Variants in SCO2 observed in about 807,000 individuals in gnomAD.
SCO2 encodes synthesis of cytochrome C oxidase 2.
For missense variants in SCO2, 429 were observed against 348.7 expected (o/e 1.23, Z -1.83); for synonymous variants, 195 against 148.6 (o/e 1.31, Z -2.27).
chr22:50,526,410 G>GC (rs2069379906), upstream of SCO2: 1 of 1,512,868 alleles, frequency 6.6e-7, no homozygotes. Context: ...GTCCAGCGCC[G>GC]CGGCCACCCG....
At chr22:50,524,584 CCACCAAACATCCA>C in intron 1 of SCO2, 160 bp from the exon 2 acceptor site, 1 of 738,266 alleles carries the variant, frequency 1.4e-6, no homozygotes, top group Non-Finnish European at 2.5e-6. Context: ...AACTCCACCT[CCACCAAACATCCA>C]CACCTGGGCA....
In SCO2 at chr22:50,523,616, A is replaced by G. The variant is rs746659857; in HGVS notation, c.796T>C (p.Ser266Pro). Residue 266 changes from serine to proline, a missense_variant, in exon 2 of 2, where the codon TCT becomes CCT. Physicochemically the swap from Ser to Pro is moderately conservative, Grantham distance 74. Coordinates refer to ENST00000395693, the MANE Select transcript of SCO2 (RefSeq NM_005138.3). ...RHMAAFRSVL[S>P] ...GGGGCCCAGACTGCAGTGGCTCAAG[A>G]CAGGACACTGCGGAAAGCCGCCATG... The G allele has an allele frequency of 3.1e-6, 5 of 1,613,210 alleles. No individual in the cohort carries two copies. In the African/African-American group the frequency reaches 6.7e-5, roughly 22 times the overall value.
chr22:50,524,663 T>C (rs1039499532), intron 1 of SCO2: 2 of 684,856 alleles, frequency 2.9e-6, no homozygotes, highest in African/African-American at 3.5e-5. Context: ...CACCGCACCC[T>C]GCCCTGCACC....
Position 50,524,131 on chromosome 22 carries a change from A to C in SCO2, c.281T>G (p.Leu94Arg), listed in dbSNP as rs138294250. Reference protein sequence around the residue: ...RLQQQKRTEALRQAAVGQGDF... With the variant: ...RLQQQKRTEARRQAAVGQGDF... ...GCCCTGGCCCACAGCTGCCTGGCGC[A>C]GGGCTTCTGTTCGCTTTTGCTGCTG... The change falls in exon 2 of 2, where the codon CTG becomes CGG. Residue 94 changes from leucine (L) to arginine (R), a missense_variant. Leu to Arg is a moderately radical substitution (Grantham distance 102). Coordinates refer to ENST00000395693, the MANE Select transcript of SCO2 (RefSeq NM_005138.3). The C allele has an allele frequency of 7.4e-6, 12 of 1,612,442 alleles. No individual in the cohort carries two copies. Among genetic ancestry groups the C allele is most frequent in the Non-Finnish European group, 9.3e-6 (11 of 1,180,026 alleles).
chr22:50,524,296 G>GA lies in SCO2; in HGVS notation c.115dup (p.Ser39PhefsTer43). 6.2e-7 allele frequency: 1 copy of GA among 1,602,964 alleles called. No individual in the cohort carries two copies. The highest frequency in any genetic ancestry group is 8.5e-7 in the Non-Finnish European group (1 of 1,179,860). On this transcript the variant is annotated frameshift_variant, in exon 2 of 2. Transcript: ENST00000395693. LOFTEE classifies it low-confidence loss of function (END_TRUNC). ...ACCTGTCTCTGCAGGGCCCTGCCTTGACAAAAGCCAGGACCTCAGATGCAG... is the reference window on the plus strand; with the variant it reads ...ACCTGTCTCTGCAGGGCCCTGCCTTGAACAAAAGCCAGGACCTCAGATGCAG...
chr22:50,526,427 G>A (rs749713507), upstream of SCO2: 5 of 1,505,092 alleles, frequency 3.3e-6, no homozygotes, highest in Non-Finnish European at 4.4e-6. Context: ...CCCGGGCAGC[G>A]CCCTGGGCCT....
upstream of SCO2, chr22:50,526,186 G>C: frequency 6.8e-7 from 1 of 1,473,876 alleles, no homozygotes; most frequent in Non-Finnish European, 9.0e-7. Context: ...GAAGGGGCGG[G>C]GCCTCGGGAA....
chr22:50,524,929 C>G (rs571506746), intron 1 of SCO2: 9 of 344,478 alleles, frequency 2.6e-5, no homozygotes, highest in South Asian at 2.0e-4. Context: ...TCAGACTCTG[C>G]CCGCCGGCTG....
chr22:50,525,535 GC>G lies in SCO2; in HGVS notation c.-78del. ...AGGAAGCGCCGACCTCCAGCTCCCT[GC>G]GCTCTGCCCCGCCGGCTCAGGGAAA... On this transcript the variant is annotated 5_prime_UTR_variant, in exon 1 of 2. Transcript: ENST00000395693. 1.6e-6 allele frequency: 1 copy of G among 620,528 alleles called. No homozygotes were observed. Among genetic ancestry groups the G allele is most frequent in the Non-Finnish European group, 2.7e-6 (1 of 364,694 alleles). 38.4% of individuals were successfully genotyped at this position (620,528 alleles called of 1,614,324 possible). A position where few individuals can be genotyped will look rare whatever the true frequency, so the allele number is the denominator to read the frequency against.
At chr22:50,525,609 C>T (rs2069315886), upstream of SCO2, 3 of 1,112,518 alleles carry the variant, frequency 2.7e-6, no homozygotes, top group Non-Finnish European at 2.6e-6. Flanking sequence ...CCCGGAGCTG[C>T]GCATGCGCAC....
Position 50,523,635 on chromosome 22 carries a change from C to G in SCO2, c.777G>C (p.Ala259=), listed in dbSNP as rs375632322. Residue 259 remains alanine, a synonymous_variant, in exon 2 of 2, where the codon GCG becomes GCC. Coordinates refer to ENST00000395693, the MANE Select transcript of SCO2 (RefSeq NM_005138.3). The stretch of plus-strand genomic sequence containing the variant: ...CTCAAGACAGGACACTGCGGAAAGC[C>G]GCCATGTGCCGCCGCACACTGTCTG... ...QISDSVRRHM[A]AFRSVLS 6.2e-7 allele frequency: 1 copy of G among 1,613,732 alleles called. No homozygotes were observed. The highest frequency in any genetic ancestry group is 8.5e-7 in the Non-Finnish European group (1 of 1,180,038).
At position 50,523,737 on chromosome 22, in the gene SCO2, G is replaced by A; in HGVS notation, c.675C>T (p.Ser225=). The change falls in exon 2 of 2, where the codon TCC becomes TCT. Residue 225 remains serine, a synonymous_variant. Transcript: ENST00000395693. ...DEDQDYIVDH[S]IAIYLLNPDG... is the part of the protein sequence containing the mutation. ...CAGGGTTGAGCAGGTAGATGGCAAT[G>A]GAGTGGTCCACGATGTAGTCCTGGT... is the stretch of plus-strand genomic sequence containing the variant. 1 of 1,614,212 alleles carries A rather than the reference G, an allele frequency of 6.2e-7. No individual in the cohort carries two copies. The highest frequency in any genetic ancestry group is 1.1e-5 in the South Asian group (1 of 91,088).
Position 50,524,220 on chromosome 22 carries a change from T to TGTGATCAGCAGCCGGGTTCGAAG in SCO2, c.169_191dup (p.Gly65PhefsTer6). The TGTGATCAGCAGCCGGGTTCGAAG allele has an allele frequency of 6.2e-7, 1 of 1,607,906 alleles. No individual in the cohort carries two copies. Among genetic ancestry groups the TGTGATCAGCAGCCGGGTTCGAAG allele is most frequent in the Non-Finnish European group, 8.5e-7 (1 of 1,179,850 alleles). ...CACCGAGTCCAGCCCCGAACAGGCC[T>TGTGATCAGCAGCCGGGTTCGAAG]GTGATCAGCAGCCGGGTTCGAAGCC... On this transcript the variant is annotated stop_gained and frameshift_variant, in exon 2 of 2. Coordinates refer to ENST00000395693, the MANE Select transcript of SCO2 (RefSeq NM_005138.3). LOFTEE classifies it low-confidence loss of function (END_TRUNC).
Position 50,524,047 on chromosome 22 carries a change from T to TG in SCO2, c.364dup (p.Gln122ProfsTer14). On this transcript the variant is annotated frameshift_variant, in exon 2 of 2. Transcript: ENST00000395693. LOFTEE classifies it low-confidence loss of function (END_TRUNC). ...GAAGCCAAAGTACATCAGCACCCAC[T>TG]GGCCCCGGAAGTCAGCCTTGCAGCG... The TG allele has an allele frequency of 1.2e-6, 2 of 1,613,440 alleles. No homozygotes were observed. The highest frequency in any genetic ancestry group is 1.7e-6 in the Non-Finnish European group (2 of 1,180,012).
At chr22:50,526,034 G>C (rs1211589704), upstream of SCO2, 2 of 1,478,158 alleles carry the variant, frequency 1.4e-6, no homozygotes, top group East Asian at 2.9e-5. Context: ...TCGACCAGCA[G>C]CTCTGCGCCC....
Position 50,524,335 on chromosome 22 carries a change from A to T in SCO2, c.77T>A (p.Leu26Gln). The T allele has an allele frequency of 6.2e-7, 1 of 1,601,600 alleles. No homozygotes were observed. The change falls in exon 2 of 2, where the codon CTG becomes CAG. Residue 26 changes from leucine (L) to glutamine (Q), a missense_variant. Leu to Gln is a moderately radical substitution (Grantham distance 113). Coordinates refer to ENST00000395693, the MANE Select transcript of SCO2 (RefSeq NM_005138.3). ...QLKPRVLPGTLGGQALHLRSW... is the reference protein window; with the variant it reads ...QLKPRVLPGTQGGQALHLRSW... ...CCTCAGATGCAGGGCCTGGCCTCCCAGGGTCCCAGGGAGGACCCGAGGCTT... is the reference window on the plus strand; with the variant it reads ...CCTCAGATGCAGGGCCTGGCCTCCCTGGGTCCCAGGGAGGACCCGAGGCTT...
rs775173963 is a variant in SCO2 at position 50,523,900 on chromosome 22, C to T, written c.512G>A (p.Arg171Gln). The change falls in exon 2 of 2, where the codon CGG (arginine) becomes CAG (glutamine). Residue 171 changes from arginine (R) to glutamine (Q), a missense_variant. By Grantham distance (43) the Arg-to-Gln change is conservative (BLOSUM62 1). Coordinates refer to ENST00000395693, the MANE Select transcript of SCO2 (RefSeq NM_005138.3). ...GCGGGCCATGGCTTCAACGTCGTCCCGCTCGGGGTCCACAGTGATGAAGAC... is the reference window on the plus strand; with the variant it reads ...GCGGGCCATGGCTTCAACGTCGTCCTGCTCGGGGTCCACAGTGATGAAGAC... ...QPVFITVDPE[R>Q]DDVEAMARYV... 6.3e-5 allele frequency: 101 copies of T among 1,613,682 alleles called. No homozygotes were observed. The highest frequency in any genetic ancestry group is 8.1e-5 in the Non-Finnish European group (95 of 1,179,976).
rs1011393334 is a variant in SCO2 at position 50,523,573 on chromosome 22, C to T, written c.*38G>A. 6.2e-6 allele frequency: 10 copies of T among 1,607,456 alleles called. No homozygotes were observed. Among genetic ancestry groups the T allele is most frequent in the Admixed American group, 1.7e-5 (1 of 59,542 alleles). ...AGATCACACACACACACAGATTAAA[C>T]GCAGCCCGTTTAATGATGGGGCCCA... On this transcript the variant is annotated 3_prime_UTR_variant, in exon 2 of 2. Transcript: ENST00000395693.
chr22:50,524,833 C>A, intron 1 of SCO2: 1 of 372,954 alleles, frequency 2.7e-6, no homozygotes. Flanking sequence ...TCCTCCAACA[C>A]TTTCCTGTTA....
Sources: gnomAD v4.1 joint callset for allele counts on GRCh38, gnomAD v4.1.1 for gene constraint, MANE v1.5 for transcripts, NCBI Gene and HGNC (gene_info 2026-07-23, HGNC 2026-07-21) for gene names.